Variants in RFX3 observed in about 807,000 individuals in gnomAD.
The protein encoded by RFX3 is transcription factor RFX3.
RFX3 carries 14 observed loss-of-function variants against 98.6 expected under a neutral mutation model. That is an observed-to-expected ratio of 0.14 (90% CI 0.09 to 0.22). The LOEUF (loss-of-function observed/expected upper bound fraction) is 0.22, where lower values mean the gene tolerates loss of function less well. Ranked by LOEUF, RFX3 falls within the 10% of genes least tolerant of loss-of-function variation. The pLI is 1.00. For synonymous variants in RFX3, 383 were observed against 328.4 expected (o/e 1.17, Z -1.80); for missense variants, 639 against 926.9 (o/e 0.69, Z 4.03).
chr9:3,467,733 T>C (rs1288454372), intron 1 of RFX3, among the ~76,000 whole-genome samples: 1 of 152,086 alleles, frequency 6.6e-6, no homozygotes, highest in African/African-American at 2.4e-5. Flanking sequence ...CAACCTGGAA[T>C]GGAAAGAACA....
chr9:3,401,372 G>A (rs985291412), intron 1 of RFX3, among the ~76,000 whole-genome samples: 2 of 152,142 alleles, frequency 1.3e-5, no homozygotes, highest in South Asian at 2.1e-4. Context: ...TGAGAGCAGT[G>A]CCCTAGCATG....
At chr9:3,504,158 A>G (rs1816380086) in intron 1 of RFX3, among the ~76,000 whole-genome samples, 2 of 89,762 alleles carry the variant, frequency 2.2e-5, no homozygotes, top group Non-Finnish European at 3.5e-5. Flanking sequence ...TACATATTAT[A>G]TATTATATAT....
intron 1 of RFX3, among the ~76,000 whole-genome samples, chr9:3,460,924 C>T (rs1029210688): frequency 2.0e-5 from 3 of 151,844 alleles, no homozygotes; most frequent in Non-Finnish European, 4.4e-5. Flanking sequence ...CTCAATACTT[C>T]TCCTGTAGTC....
At chr9:3,471,222 T>A (rs1213156809) in intron 1 of RFX3, among the ~76,000 whole-genome samples, 1 of 152,156 alleles carries the variant, frequency 6.6e-6, no homozygotes, top group South Asian at 2.1e-4. Context: ...AATAACAGCA[T>A]CCATTTGTAC....
At chr9:3,362,376 T>C (rs1329824262) in intron 2 of RFX3, among the ~76,000 whole-genome samples, 1 of 152,246 alleles carries the variant, frequency 6.6e-6, no homozygotes, top group African/African-American at 2.4e-5. Context: ...ACATTATAAA[T>C]TCACTCATTG....
chr9:3,479,373 A>G (rs1849543617), intron 1 of RFX3, among the ~76,000 whole-genome samples: 1 of 152,152 alleles, frequency 6.6e-6, no homozygotes, highest in African/African-American at 2.4e-5. Context: ...GGACAAAAAG[A>G]TCTTAACCAA....
At chr9:3,439,373 CA>C (rs1845435434) in intron 1 of RFX3, among the ~76,000 whole-genome samples, 1 of 151,730 alleles carries the variant, frequency 6.6e-6, no homozygotes, top group South Asian at 2.1e-4. Flanking sequence ...TCAGTGAAAA[CA>C]AAATCTCATT....
chr9:3,296,344 T>C (rs1053946968), intron 5 of RFX3, among the ~76,000 whole-genome samples: 20 of 151,932 alleles, frequency 1.3e-4, no homozygotes, highest in African/African-American at 4.6e-4. Context: ...ATTACTTATA[T>C]CCCAATTGAA....
At chr9:3,442,554 T>G (rs1845695328) in intron 1 of RFX3, among the ~76,000 whole-genome samples, 1 of 152,116 alleles carries the variant, frequency 6.6e-6, no homozygotes, top group South Asian at 2.1e-4. Context: ...GTGGAAAAAC[T>G]GATGAAATCC....
chr9:3,482,552 C>CA (rs1849864935), intron 1 of RFX3, among the ~76,000 whole-genome samples: 3 of 152,172 alleles, frequency 2.0e-5, no homozygotes, highest in South Asian at 2.1e-4. Context: ...TAAGCATGAA[C>CA]AGGTTCTGTG....
At chr9:3,293,577 G>A (rs1021768751) in intron 5 of RFX3, among the ~76,000 whole-genome samples, 1 of 151,986 alleles carries the variant, frequency 6.6e-6, no homozygotes, top group East Asian at 1.9e-4. Flanking sequence ...AAATAATCCC[G>A]TTAACTGGTC....
intron 8 of RFX3, among the ~76,000 whole-genome samples, chr9:3,276,495 A>C (rs924974082): frequency 6.6e-6 from 1 of 152,140 alleles, no homozygotes; most frequent in African/African-American, 2.4e-5. Flanking sequence ...TTTTAAGATG[A>C]TAATCGAAGT....
At chr9:3,516,750 T>C (rs750679473) in intron 1 of RFX3, among the ~76,000 whole-genome samples, 2 of 151,724 alleles carry the variant, frequency 1.3e-5, no homozygotes, top group African/African-American at 2.4e-5. Flanking sequence ...CTCTCTCTGT[T>C]AAATTGCCTA....
intron 1 of RFX3, among the ~76,000 whole-genome samples, chr9:3,476,189 C>T (rs896009342): frequency 6.7e-5 from 10 of 149,880 alleles, no homozygotes; most frequent in African/African-American, 2.0e-4. Context: ...ATAATATATA[C>T]ATATAATTCA....
chr9:3,253,136 A>G (rs1821648806), intron 14 of RFX3, among the ~76,000 whole-genome samples: 1 of 152,222 alleles, frequency 6.6e-6, no homozygotes, highest in Non-Finnish European at 1.5e-5. Context: ...TGGACAAGAA[A>G]TATCTTTGTG....
At chr9:3,251,008 C>T (rs147015484) in intron 14 of RFX3, among the ~76,000 whole-genome samples, 5 of 151,990 alleles carry the variant, frequency 3.3e-5, no homozygotes, top group Admixed American at 6.6e-5. Flanking sequence ...TACGTACAAT[C>T]GTATATGAAG....
At chr9:3,234,676 A>G (rs974830704) in intron 15 of RFX3, among the ~76,000 whole-genome samples, 1 of 151,720 alleles carries the variant, frequency 6.6e-6, no homozygotes, top group African/African-American at 2.4e-5. Context: ...ACCCAAAAGC[A>G]CCCCACCCCA....
chr9:3,327,121 A>G (rs555027376), intron 4 of RFX3, among the ~76,000 whole-genome samples: 75 of 152,104 alleles, frequency 4.9e-4, no homozygotes, highest in Non-Finnish European at 9.4e-4. Flanking sequence ...TTCATATACA[A>G]TCTTTTCTCT....
chr9:3,402,066 G>A (rs1480996173), intron 1 of RFX3, among the ~76,000 whole-genome samples: 1 of 152,114 alleles, frequency 6.6e-6, no homozygotes, highest in East Asian at 1.9e-4. Context: ...TTCACAGTTG[G>A]ATTCCTTTTA....
Sources: gnomAD v4.1 joint callset for allele counts (sites outside exome capture counted in the v4.1 genomes callset) on GRCh38, gnomAD v4.1.1 for gene constraint, MANE v1.5 for transcripts, NCBI Gene and HGNC (gene_info 2026-07-23, HGNC 2026-07-21) for gene names.